PYCR3: variants seen among roughly 807,000 people sequenced by gnomAD.
PYCR3 encodes P5C reductase 3.
A neutral mutation model predicts 23.4 loss-of-function variants in PYCR3; 26 were observed. That is an observed-to-expected ratio of 1.11 (90% CI 0.81 to 1.54). The LOEUF (loss-of-function observed/expected upper bound fraction) is 1.54. PYCR3 is among the 40% of genes most tolerant of loss of function. The pLI is 0.00. For synonymous variants in PYCR3, 194 were observed against 162.6 expected, an observed-to-expected ratio of 1.19 and a Z score of -1.47; for missense variants, 360 against 376.3, an observed-to-expected ratio of 0.96 and a Z score of 0.36.
At position 143,608,181 on chromosome 8, in the gene PYCR3, C is replaced by T. The variant is rs571809883; in HGVS notation, c.92-55G>A. On this transcript the variant is annotated intron_variant, in intron 1 of 5. Transcript: ENST00000495276. ...GGTGAAGGGGTGGGATAGGATGGCA[C>T]GGAGAGGAGAGGGAGCTCACTTGGC... 58 of 1,430,776 alleles carry T rather than the reference C, an allele frequency of 4.1e-5. No individual in the cohort carries two copies. In the South Asian group the frequency reaches 4.7e-4, roughly 12 times the overall value. The allele number at this position is 1,430,776 out of a possible 1,614,324, so 88.6% of individuals were successfully genotyped here.
In PYCR3 at chr8:143,608,054, A is replaced by G. The variant is rs1374435690; in HGVS notation, c.156+8T>C. 4.3e-6 allele frequency: 7 copies of G among 1,609,600 alleles called. No homozygotes were observed. The highest frequency in any genetic ancestry group is 6.0e-6 in the Non-Finnish European group (7 of 1,176,064). On this transcript the variant is annotated splice_region_variant and intron_variant, in intron 2 of 5. Coordinates refer to ENST00000495276, the MANE Select transcript of PYCR3 (RefSeq NM_023078.6). ...TGAGGGTATGAAGAACCTGGGCTCT[A>G]TGCTCACTTGAAAGTGACATAGGTT...
intron 4 of PYCR3, 140 bp from the exon 5 acceptor site, chr8:143,606,294 T>C: frequency 1.8e-6 from 2 of 1,116,304 alleles, no homozygotes; most frequent in Non-Finnish European, 2.6e-6. Flanking sequence ...GGGGCTGGCC[T>C]CAAAGATCCC....
intron 1 of PYCR3, chr8:143,608,407 C>A: frequency 2.1e-6 from 1 of 479,860 alleles, no homozygotes; most frequent in Non-Finnish European, 3.7e-6. Context: ...CCTCTGCCTC[C>A]AGGGAAGGGA....
In PYCR3 at chr8:143,603,355, G is replaced by A. The variant is rs549111656; in HGVS notation, c.*2345C>T. The A allele has an allele frequency of 3.3e-5, 5 of 152,310 alleles. No individual in the cohort carries two copies. The highest frequency in any genetic ancestry group is 2.0e-4 in the Admixed American group (3 of 15,304). The allele number at this position is 152,310 out of a possible 1,614,324, so 9.4% of individuals were successfully genotyped here. A position where few individuals can be genotyped will look rare whatever the true frequency, so the allele number is the denominator to read the frequency against. ...CAAAGATACCGTAATCATATCCATC[G>A]TTTTCTGTCTTGAAGAACAGTTTTC... On this transcript the variant is annotated 3_prime_UTR_variant, in exon 6 of 6. Coordinates refer to ENST00000495276, the MANE Select transcript of PYCR3 (RefSeq NM_023078.6).
chr8:143,606,726 T>G (rs1829412789), intron 3 of PYCR3, 47 bp from the exon 4 acceptor site: 48 of 1,502,824 alleles, frequency 3.2e-5, no homozygotes, highest in African/African-American at 4.2e-5. Flanking sequence ...GACTGGGCCC[T>G]GCTGGGCAGG....
rs974099030 is a variant in PYCR3, at chr8:143,603,505, C to T, written c.*2195G>A. ...GGGCCAGGAGTGGCTGGCTTGGGAT[C>T]TCCACCTCCCGAGCTGAGCTCACCT... On this transcript the variant is annotated 3_prime_UTR_variant, in exon 6 of 6. Coordinates refer to ENST00000495276, the MANE Select transcript of PYCR3 (RefSeq NM_023078.6). 6.6e-6 allele frequency among the ~76,000 whole-genome samples: 1 copy of T among 152,164 alleles called. No homozygotes were observed. The highest frequency in any genetic ancestry group is 1.5e-5 in the Non-Finnish European group (1 of 68,034).
At chr8:143,607,615 C>T (rs894589692) in intron 2 of PYCR3, among the ~76,000 whole-genome samples, 3 of 152,268 alleles carry the variant, frequency 2.0e-5, no homozygotes, top group Non-Finnish European at 4.4e-5. Context: ...CACACATGCA[C>T]AAGCACATAC....
Position 143,605,404 on chromosome 8 carries a change from C to G in PYCR3, c.*296G>C, listed in dbSNP as rs184675508. ...CAACCATGCGGGCAAATGACCAAGACGCCATCTCTTGGGCCCCTCAGAACC... is the reference window on the plus strand; with the variant it reads ...CAACCATGCGGGCAAATGACCAAGAGGCCATCTCTTGGGCCCCTCAGAACC... On this transcript the variant is annotated 3_prime_UTR_variant, in exon 6 of 6. Transcript: ENST00000495276. 2 of 461,978 alleles carry G rather than the reference C, an allele frequency of 4.3e-6. No homozygotes were observed. Among genetic ancestry groups the G allele is most frequent in the Non-Finnish European group, 3.9e-6 (1 of 257,568 alleles). 28.6% of individuals were successfully genotyped at this position (461,978 alleles called of 1,614,324 possible).
intron 3 of PYCR3, 124 bp downstream of exon 3, chr8:143,606,829 C>T: frequency 2.2e-6 from 3 of 1,365,678 alleles, no homozygotes; most frequent in Non-Finnish European, 3.0e-6. Flanking sequence ...AACCCTAAAT[C>T]CAGCCACTTG....
chr8:143,606,013 G>A, intron 5 of PYCR3, 49 bp downstream of exon 5: 1 of 1,576,854 alleles, frequency 6.3e-7, no homozygotes. Context: ...ACTGGAAGAG[G>A]TACAGGCCTG....
In PYCR3 at chr8:143,605,774, C is replaced by T. The variant is rs1391036121; in HGVS notation, c.751G>A (p.Gly251Ser). 1 of 1,611,538 alleles carries T rather than the reference C, an allele frequency of 6.2e-7. No homozygotes were observed. Among genetic ancestry groups the T allele is most frequent in the South Asian group, 1.1e-5 (1 of 91,048 alleles). The stretch of plus-strand genomic sequence containing the variant: ...CTCATGGTGGCTGCTCGCAGCCCGC[C>T]CTGCTCCAGGGCGTGGAGTCCATAG... ...TIYGLHALEQ[G>S]GLRAATMSAV... The change falls in exon 6 of 6, where the codon GGC becomes AGC. Residue 251 changes from glycine to serine, a missense_variant. Coordinates refer to ENST00000495276, the MANE Select transcript of PYCR3 (RefSeq NM_023078.6).
Position 143,605,625 on chromosome 8 carries a change from A to C in PYCR3, c.*75T>G. ...GGAGACCCTCATGCAGGAGGGAGGG[A>C]GCCGCAGTCCTCAGGGGAAGGGACA... On this transcript the variant is annotated 3_prime_UTR_variant, in exon 6 of 6. Coordinates refer to ENST00000495276, the MANE Select transcript of PYCR3 (RefSeq NM_023078.6). The C allele has an allele frequency of 1.5e-6, 2 of 1,332,230 alleles. No homozygotes were observed. The highest frequency in any genetic ancestry group is 2.1e-6 in the Non-Finnish European group (2 of 968,482). The allele number at this position is 1,332,230 out of a possible 1,614,324, so 82.5% of individuals were successfully genotyped here.
rs770316374 is a variant in PYCR3, at chr8:143,608,168, G to C, written c.92-42C>G. The C allele has an allele frequency of 3.3e-6, 5 of 1,509,424 alleles. No individual in the cohort carries two copies. The Admixed American group carries it at 8.4e-5, about 25-fold the overall frequency. The allele number at this position is 1,509,424 out of a possible 1,614,324, so 93.5% of individuals were successfully genotyped here. On this transcript the variant is annotated intron_variant, in intron 1 of 5. Coordinates refer to ENST00000495276, the MANE Select transcript of PYCR3 (RefSeq NM_023078.6). ...AGGAAGAGGGGTTGGTGAAGGGGTG[G>C]GATAGGATGGCACGGAGAGGAGAGG... is the stretch of plus-strand genomic sequence containing the variant.
Position 143,605,570 on chromosome 8 carries a change from T to G in PYCR3, c.*130A>C. ...AACCTCCCAAGTCCTGCCCCCTGCA[T>G]TTCCCTGTGCAAGGGGAGAAGGAGC... is the stretch of plus-strand genomic sequence containing the variant. On this transcript the variant is annotated 3_prime_UTR_variant, in exon 6 of 6. Transcript: ENST00000495276. 1.1e-6 allele frequency: 1 copy of G among 883,678 alleles called. No homozygotes were observed. The highest frequency in any genetic ancestry group is 1.7e-6 in the Non-Finnish European group (1 of 593,330). The allele number at this position is 883,678 out of a possible 1,614,324, so 54.7% of individuals were successfully genotyped here.
rs1829335423 is a variant in PYCR3, at chr8:143,604,492, T to G, written c.*1208A>C. On this transcript the variant is annotated 3_prime_UTR_variant, in exon 6 of 6. Transcript: ENST00000495276. Reference sequence around the variant, plus strand: ...TGCCGTTAGCCCTGTTTTGCACTGGTGGATTGATCTGCTCAGGCGCACAGG... The same window carrying G: ...TGCCGTTAGCCCTGTTTTGCACTGGGGGATTGATCTGCTCAGGCGCACAGG... The G allele has an allele frequency of 2.1e-5, 5 of 242,132 alleles. No homozygotes were observed. Among genetic ancestry groups the G allele is most frequent in the African/African-American group, 2.3e-5 (1 of 42,718 alleles). 15.0% of individuals were successfully genotyped at this position (242,132 alleles called of 1,614,324 possible).
rs200755670 is a variant in PYCR3, at chr8:143,608,110, C to T, written c.108G>A (p.Gln36=). The T allele has an allele frequency of 2.3e-5, 37 of 1,613,810 alleles. No individual in the cohort carries two copies. The East Asian group carries it at 6.9e-4, about 30-fold the overall frequency. Residue 36 remains glutamine (Q), a synonymous_variant, in exon 2 of 6, where the codon CAG becomes CAA. Coordinates refer to ENST00000495276, the MANE Select transcript of PYCR3 (RefSeq NM_023078.6). The part of the protein sequence containing the change: ...GLIRAGKVEA[Q]HILASAPTDR... ...CTGTTGGTGCACTGGCCAGTATGTG[C>T]TGAGCTTCCACTTTTCCTGGAAAGA...
At chr8:143,607,693 T>C (rs1471748021) in intron 2 of PYCR3, among the ~76,000 whole-genome samples, 2 of 151,856 alleles carry the variant, frequency 1.3e-5, no homozygotes, top group African/African-American at 2.4e-5. Flanking sequence ...CGCACACACA[T>C]GCACTGACAT....
chr8:143,606,186 A>C (rs749832244), intron 4 of PYCR3, 32 bp from the exon 5 acceptor site: 2 of 1,570,988 alleles, frequency 1.3e-6, no homozygotes, highest in Non-Finnish European at 1.7e-6. Flanking sequence ...TGGGGGGGAT[A>C]GGTGTCAAAG....
At chr8:143,609,334 T>C in intron 1 of PYCR3, 124 bp downstream of exon 1, 4 of 1,148,502 alleles carry the variant, frequency 3.5e-6, no homozygotes, top group Non-Finnish European at 3.5e-6. Context: ...TGGCCCCGGC[T>C]GCGCCCAGCG....
Sources: allele counts gnomAD v4.1 joint callset (sites outside exome capture counted in the v4.1 genomes callset), GRCh38; gene constraint gnomAD v4.1.1; transcripts MANE v1.5; gene names NCBI Gene and HGNC (gene_info 2026-07-23, HGNC 2026-07-21).